Variants in OSTF1 observed in about 807,000 individuals in gnomAD.
OSTF1 encodes osteoclast stimulating factor 1.
In OSTF1, 27 loss-of-function variants were observed where a neutral mutation model predicts 37.2. That is an observed-to-expected ratio of 0.73 (90% CI 0.54 to 1.00). The LOEUF (loss-of-function observed/expected upper bound fraction) is 1.00. Among genes scored for constraint, OSTF1 ranks in the 50% least tolerant of loss-of-function variants. The probability of loss-of-function intolerance (pLI) is 0.00; values close to 1 mark genes in which losing one functional copy is unlikely to be tolerated. For missense variants in OSTF1, 232 were observed against 253.8 expected (o/e 0.91, Z 0.58); for synonymous variants, 82 against 89.2 (o/e 0.92, Z 0.46).
rs12335523 is a variant in OSTF1 at position 75,146,592 on chromosome 9, A to G, written c.587-91A>G. ...ATCCCTGGGTCAGATGGAAGATTCT[A>G]TTCTAATTTAAGAGCTTTGAAAATG... On this transcript the variant is annotated intron_variant, in intron 9 of 9. Coordinates refer to ENST00000346234, the MANE Select transcript of OSTF1 (RefSeq NM_012383.5). 3,096 of 848,216 alleles carry G rather than the reference A, an allele frequency of 3.7e-3. 61 individuals carry two copies. The African/African-American group carries it at 0.045, about 12-fold the overall frequency. 52.5% of individuals were successfully genotyped at this position (848,216 alleles called of 1,614,324 possible).
At chr9:75,144,513 C>T (rs1199630108) in intron 9 of OSTF1, among the ~76,000 whole-genome samples, 1 of 152,148 alleles carries the variant, frequency 6.6e-6, no homozygotes, top group Non-Finnish European at 1.5e-5. Context: ...GATTGTACCA[C>T]TGCACTGCAG....
intron 3 of OSTF1, among the ~76,000 whole-genome samples, chr9:75,129,892 A>G (rs1281723854): frequency 6.6e-6 from 1 of 152,250 alleles, no homozygotes; most frequent in Non-Finnish European, 1.5e-5. Flanking sequence ...TTAAGGAATT[A>G]TTGTTGGAAA....
At chr9:75,090,877 A>G (rs889409971) in intron 1 of OSTF1, among the ~76,000 whole-genome samples, 1 of 152,176 alleles carries the variant, frequency 6.6e-6, no homozygotes, top group African/African-American at 2.4e-5. Flanking sequence ...TGTGTTAGGC[A>G]ATGGTATAGT....
chr9:75,135,597 T>G (rs76253871), intron 7 of OSTF1, among the ~76,000 whole-genome samples: 2,594 of 152,316 alleles, frequency 0.017, 69 homozygotes, highest in African/African-American at 0.057. Context: ...TTTGTTTTAT[T>G]TTGGTTATCT....
At chr9:75,145,102 A>G (rs1825999181) in intron 9 of OSTF1, among the ~76,000 whole-genome samples, 1 of 152,058 alleles carries the variant, frequency 6.6e-6, no homozygotes, top group South Asian at 2.1e-4. Flanking sequence ...TCATTCTATC[A>G]ATCAATCAAT....
chr9:75,115,569 CA>C (rs1271310318), intron 1 of OSTF1, among the ~76,000 whole-genome samples: 1 of 151,920 alleles, frequency 6.6e-6, no homozygotes, highest in Admixed American at 6.6e-5. Context: ...AAATAGCTAT[CA>C]AATAGATAGT....
At chr9:75,126,512 G>A (rs1825664301) in intron 2 of OSTF1, among the ~76,000 whole-genome samples, 1 of 152,152 alleles carries the variant, frequency 6.6e-6, no homozygotes, top group Non-Finnish European at 1.5e-5. Flanking sequence ...CATGGTAAGT[G>A]TTATCTACTG....
chr9:75,110,971 G>A (rs115470237), intron 1 of OSTF1, among the ~76,000 whole-genome samples: 1,958 of 151,968 alleles, frequency 0.013, 46 homozygotes, highest in African/African-American at 0.045. Context: ...CCTCCACTTT[G>A]GCCTCCCAAA....
intron 1 of OSTF1, among the ~76,000 whole-genome samples, chr9:75,106,372 C>T (rs1825283942): frequency 6.6e-6 from 1 of 152,106 alleles, no homozygotes; most frequent in Non-Finnish European, 1.5e-5. Context: ...AGGCTGGGCT[C>T]AGTGGCTCAT....
chr9:75,129,212 T>G (rs1198002831), intron 3 of OSTF1, among the ~76,000 whole-genome samples: 9 of 152,168 alleles, frequency 5.9e-5, no homozygotes, highest in Non-Finnish European at 1.2e-4. Context: ...ATTTATGAGT[T>G]TCTAATGTTA....
chr9:75,111,910 G>A (rs913407610), intron 1 of OSTF1, among the ~76,000 whole-genome samples: 2 of 114,490 alleles, frequency 1.7e-5, no homozygotes, highest in Non-Finnish European at 3.3e-5. Context: ...TACCACCTCC[G>A]CCTCCTGGGT....
At chr9:75,128,435 C>CAT (rs1305183177) in intron 3 of OSTF1, among the ~76,000 whole-genome samples, 1,545 of 12,178 alleles carry the variant, frequency 0.13, 421 homozygotes, top group African/African-American at 0.2. Context: ...ATATTTTGTC[C>CAT]ATATATATAT....
intron 1 of OSTF1, among the ~76,000 whole-genome samples, chr9:75,090,418 T>C (rs941336548): frequency 1.3e-5 from 2 of 152,156 alleles, no homozygotes; most frequent in Non-Finnish European, 1.5e-5. Context: ...CCCAGGAACC[T>C]CCTTTCTCCT....
At chr9:75,117,368 C>A in intron 1 of OSTF1, 136 bp from the exon 2 acceptor site, 1 of 599,352 alleles carries the variant, frequency 1.7e-6, no homozygotes, top group Non-Finnish European at 3.0e-6. Flanking sequence ...CTACCCTTTC[C>A]AGCCTCTAGT....
intron 1 of OSTF1, among the ~76,000 whole-genome samples, chr9:75,109,139 A>T (rs1275277584): frequency 6.6e-6 from 1 of 151,382 alleles, no homozygotes; most frequent in Non-Finnish European, 1.5e-5. Context: ...CAGCCTCCCA[A>T]CTAGCTGGGA....
chr9:75,100,630 CTAAGGGAGGA>C (rs1825174465), intron 1 of OSTF1, among the ~76,000 whole-genome samples: 2 of 151,132 alleles, frequency 1.3e-5, no homozygotes, highest in African/African-American at 2.4e-5. Flanking sequence ...ACTCGGGAGG[CTAAGGGAGGA>C]GAATCTCTTG....
rs548737392 is a variant in OSTF1 at position 75,142,615 on chromosome 9, G to C, written c.586+1683G>C. ...GAGGCAGGTAATGAGCCTTTCTGCA[G>C]CCTTCGTAGAACAGGGCTGGGAGGC... On this transcript the variant is annotated intron_variant, in intron 9 of 9. Transcript: ENST00000346234. 2.8e-3 allele frequency among the ~76,000 whole-genome samples: 430 copies of C among 152,222 alleles called. 2 individuals carry two copies. Among genetic ancestry groups the C allele is most frequent in the African/African-American group, 9.8e-3 (407 of 41,544 alleles).
At chr9:75,109,153 C>T (rs531180854) in intron 1 of OSTF1, among the ~76,000 whole-genome samples, 3 of 151,800 alleles carry the variant, frequency 2.0e-5, no homozygotes, top group South Asian at 4.2e-4. Flanking sequence ...GCTGGGATTA[C>T]AGGTGCCCGC....
chr9:75,089,289 G>T (rs1248950693), intron 1 of OSTF1, among the ~76,000 whole-genome samples: 1 of 150,638 alleles, frequency 6.6e-6, no homozygotes, highest in East Asian at 1.9e-4. Context: ...CGCGCTCCTG[G>T]TGGAAAGAAT....
Sources: allele counts gnomAD v4.1 joint callset (sites outside exome capture counted in the v4.1 genomes callset), GRCh38; gene constraint gnomAD v4.1.1; transcripts MANE v1.5; gene names NCBI Gene and HGNC (gene_info 2026-07-23, HGNC 2026-07-21).